CNOT9: variants seen among roughly 807,000 people sequenced by gnomAD.
The protein encoded by CNOT9 is CCR4-NOT transcription complex subunit 9.
Under a neutral mutation model 37.4 loss-of-function variants are expected in CNOT9, and 8 were observed. The observed-to-expected ratio is 0.21, with a 90% confidence interval of 0.13 to 0.39. The LOEUF (loss-of-function observed/expected upper bound fraction) is 0.39, where lower values mean the gene tolerates loss of function less well. CNOT9 is among the 10% of genes least tolerant of loss of function. The pLI, the probability that CNOT9 is intolerant of heterozygous loss-of-function variation, is 1.00. For missense variants in CNOT9, 154 were observed against 365.3 expected (o/e 0.42, Z 4.71); for synonymous variants, 120 against 137.6 (o/e 0.87, Z 0.90).
chr2:218,593,020 G>A (rs1436342272), intron 7 of CNOT9: 1 of 316,948 alleles, frequency 3.2e-6, no homozygotes, highest in Non-Finnish European at 5.8e-6. Flanking sequence ...TGGTCAGAGA[G>A]AGAAGTATAT....
intron 5 of CNOT9, among the ~76,000 whole-genome samples, chr2:218,591,246 A>G (rs1248911797): frequency 6.6e-6 from 1 of 152,174 alleles, no homozygotes; most frequent in East Asian, 1.9e-4. Context: ...GCAGCCAAGA[A>G]AGAGTATCAT....
chr2:218,573,938 TAA>T (rs1694080742), intron 1 of CNOT9: 1 of 347,342 alleles, frequency 2.9e-6, no homozygotes, highest in Non-Finnish European at 5.7e-6. Flanking sequence ...ACACACTTAT[TAA>T]AAGAACAGGA....
chr2:218,592,736 T>G lies in CNOT9; in HGVS notation c.731+29T>G. On this transcript the variant is annotated intron_variant, in intron 7 of 7. Transcript: ENST00000273064. The surrounding 1 kb of genome is among the most constrained non-coding windows in gnomAD (Gnocchi z 4.1). ...AACATTTATAGGATGTATAGGACTTTAGGGAAATACTCTGCTGAACAGTTT... is the reference window on the plus strand; with the variant it reads ...AACATTTATAGGATGTATAGGACTTGAGGGAAATACTCTGCTGAACAGTTT... 1 of 1,559,200 alleles carries G rather than the reference T, an allele frequency of 6.4e-7. No homozygotes were observed. The highest frequency in any genetic ancestry group is 8.9e-7 in the Non-Finnish European group (1 of 1,129,816).
chr2:218,571,429 A>AAG (rs968222329), intron 1 of CNOT9, among the ~76,000 whole-genome samples: 5 of 152,026 alleles, frequency 3.3e-5, no homozygotes, highest in African/African-American at 7.2e-5. Flanking sequence ...TTTGTCTATT[A>AAG]AGAGAGAGAG....
At chr2:218,590,640 CTT>C (rs1694741967) in intron 5 of CNOT9, among the ~76,000 whole-genome samples, 1 of 152,158 alleles carries the variant, frequency 6.6e-6, no homozygotes, top group African/African-American at 2.4e-5. Flanking sequence ...AGAGGAGAGT[CTT>C]TTTGTTGCCT....
At chr2:218,578,880 A>G (rs558584855) in intron 1 of CNOT9, among the ~76,000 whole-genome samples, 8 of 152,340 alleles carry the variant, frequency 5.3e-5, no homozygotes, top group African/African-American at 1.7e-4. Context: ...AAAATATTCA[A>G]ATTTGGGGGG....
At chr2:218,579,547 C>A (rs937469608) in intron 1 of CNOT9, among the ~76,000 whole-genome samples, 3 of 151,956 alleles carry the variant, frequency 2.0e-5, no homozygotes, top group Non-Finnish European at 4.4e-5. Context: ...AGTGCAGTGG[C>A]GCGATCTCGG....
chr2:218,583,320 A>C (rs1694480914), intron 3 of CNOT9, among the ~76,000 whole-genome samples: 1 of 148,976 alleles, frequency 6.7e-6, no homozygotes, highest in Non-Finnish European at 1.5e-5. Context: ...ACTTTTACCC[A>C]ATGAACTTTA....
At chr2:218,591,778 C>T (rs1694784748) in intron 5 of CNOT9, among the ~76,000 whole-genome samples, 1 of 151,826 alleles carries the variant, frequency 6.6e-6, no homozygotes, top group African/African-American at 2.4e-5. Context: ...AAAGAAAGGC[C>T]TTACTTCATC....
At chr2:218,589,667 T>C (rs990352651) in intron 5 of CNOT9, among the ~76,000 whole-genome samples, 4 of 152,236 alleles carry the variant, frequency 2.6e-5, no homozygotes, top group African/African-American at 7.2e-5. Context: ...GGTTTCACTA[T>C]GTTGCCCAGG....
chr2:218,588,513 C>T (rs673262), intron 5 of CNOT9, among the ~76,000 whole-genome samples: 97,215 of 147,416 alleles, frequency 0.66, 32,438 homozygotes, highest in East Asian at 0.9. Flanking sequence ...GGTGTTGAAC[C>T]CCTGACCTCA....
rs78680184 is a variant in CNOT9, at chr2:218,594,084, T to C, written c.732-24T>C. Reference sequence around the variant, plus strand: ...TGGGTTTATTTGTTGGTCTCCCTGGTTGGTTTGTTTGTTTCTGATGTAGGG... The same window carrying C: ...TGGGTTTATTTGTTGGTCTCCCTGGCTGGTTTGTTTGTTTCTGATGTAGGG... On this transcript the variant is annotated intron_variant, in intron 7 of 7. Coordinates refer to ENST00000273064, the MANE Select transcript of CNOT9 (RefSeq NM_005444.3). 621 of 1,612,694 alleles carry C rather than the reference T, an allele frequency of 3.9e-4. 3 individuals are homozygous for C. The African/African-American group carries it at 7.6e-3, about 20-fold the overall frequency.
In CNOT9 at chr2:218,592,754, A is replaced by G. The variant is rs746667295; in HGVS notation, c.731+47A>G. On this transcript the variant is annotated intron_variant, in intron 7 of 7. Transcript: ENST00000273064. The surrounding 1 kb of genome is among the most constrained non-coding windows in gnomAD (Gnocchi z 4.1). The stretch of plus-strand genomic sequence containing the variant: ...AGGACTTTAGGGAAATACTCTGCTG[A>G]ACAGTTTCCTAATCTCATGGCATAG... 2 of 1,460,256 alleles carry G rather than the reference A, an allele frequency of 1.4e-6. No individual in the cohort carries two copies. Among genetic ancestry groups the G allele is most frequent in the Non-Finnish European group, 1.9e-6 (2 of 1,040,032 alleles). The allele number at this position is 1,460,256 out of a possible 1,614,324, so 90.5% of individuals were successfully genotyped here.
At chr2:218,583,166 G>T in intron 3 of CNOT9, 80 bp downstream of exon 3, 1 of 840,104 alleles carries the variant, frequency 1.2e-6, no homozygotes, top group Non-Finnish European at 2.0e-6. Flanking sequence ...TAAAAGGAAG[G>T]GCATGGAGGA....
intron 1 of CNOT9, among the ~76,000 whole-genome samples, chr2:218,579,815 T>C (rs1694308199): frequency 6.6e-6 from 1 of 151,214 alleles, no homozygotes; most frequent in Non-Finnish European, 1.5e-5. Flanking sequence ...TATTTATTTA[T>C]TTATTTGTTT....
chr2:218,577,497 A>T (rs774713495), intron 1 of CNOT9, among the ~76,000 whole-genome samples: 1 of 152,196 alleles, frequency 6.6e-6, no homozygotes, highest in African/African-American at 2.4e-5. Flanking sequence ...AGCCCCCACA[A>T]ATAATCTCAC....
chr2:218,572,372 T>A (rs1354100649), intron 1 of CNOT9, among the ~76,000 whole-genome samples: 1 of 151,996 alleles, frequency 6.6e-6, no homozygotes, highest in Non-Finnish European at 1.5e-5. Context: ...TTGGCTAGAT[T>A]CACTCACTGA....
In CNOT9 at chr2:218,569,945, A is replaced by C. The variant is rs549781876; in HGVS notation, c.24+967A>C. 2.6e-5 allele frequency among the ~76,000 whole-genome samples: 4 copies of C among 152,260 alleles called. No homozygotes were observed. In the South Asian group the frequency reaches 8.3e-4, roughly 32 times the overall value. On this transcript the variant is annotated intron_variant, in intron 1 of 7. Coordinates refer to ENST00000273064, the MANE Select transcript of CNOT9 (RefSeq NM_005444.3). ...TCTTCAAATTAGTTCCGCAGCCTCT[A>C]ACTTTAGTAGAGTACCCTTTACAGC...
In CNOT9 at chr2:218,596,037, ATTCAGC is replaced by A. The variant is rs1559253528; in HGVS notation, c.*1762_*1767del. ...TGGACTGGATAGACATCTTGACTCTATTCAGCCCGTAGTCTGTGATCTGGAGAGTCC... is the reference window on the plus strand; with the variant it reads ...TGGACTGGATAGACATCTTGACTCTACCGTAGTCTGTGATCTGGAGAGTCC... On this transcript the variant is annotated 3_prime_UTR_variant, in exon 8 of 8. Transcript: ENST00000273064. 1 of 152,172 alleles carries A rather than the reference ATTCAGC, an allele frequency of 6.6e-6. No individual in the cohort carries two copies. Among genetic ancestry groups the A allele is most frequent in the Non-Finnish European group, 1.5e-5 (1 of 68,046 alleles). The allele number at this position is 152,172 out of a possible 1,614,324, so 9.4% of individuals were successfully genotyped here.
Sources: allele counts gnomAD v4.1 joint callset (sites outside exome capture counted in the v4.1 genomes callset), GRCh38; gene constraint gnomAD v4.1.1; non-coding constraint Gnocchi (gnomAD v3.1); transcripts MANE v1.5; gene names NCBI Gene and HGNC (gene_info 2026-07-23, HGNC 2026-07-21).